The following PLCL2 variants were observed in gnomAD, a reference collection of about 807,000 sequenced individuals.
PLCL2 encodes phospholipase C like 2.
A neutral mutation model predicts 79.6 loss-of-function variants in PLCL2; 4 were observed. The observed-to-expected ratio is 0.05, with a 90% CI of 0.02 to 0.11. The LOEUF is 0.11. PLCL2 is among the 10% of genes least tolerant of loss of function. The pLI is 1.00. For missense variants in PLCL2, 895 were observed against 1,291.0 expected, an observed-to-expected ratio of 0.69 and a Z score of 4.70; for synonymous variants, 484 against 457.7, an observed-to-expected ratio of 1.06 and a Z score of -0.73.
chr3:16,958,632 T>C (rs980084658), intron 1 of PLCL2, among the ~76,000 whole-genome samples: 3 of 152,228 alleles, frequency 2.0e-5, no homozygotes, highest in Non-Finnish European at 2.9e-5. Context: ...CAAACTCTTA[T>C]ATATAAAAAA....
intron 4 of PLCL2, among the ~76,000 whole-genome samples, chr3:17,048,171 T>C (rs552682055): frequency 1.3e-5 from 2 of 151,946 alleles, no homozygotes; most frequent in African/African-American, 4.8e-5. Context: ...CACCTGTCAC[T>C]TGGTTCATGC....
At chr3:16,988,543 G>A (rs940968926) in intron 1 of PLCL2, among the ~76,000 whole-genome samples, 1 of 152,078 alleles carries the variant, frequency 6.6e-6, no homozygotes, top group Non-Finnish European at 1.5e-5. Flanking sequence ...CTTTTCAGTG[G>A]ACAGTGGCAT....
intron 1 of PLCL2, among the ~76,000 whole-genome samples, chr3:16,963,173 A>AT (rs1224463609): frequency 6.6e-6 from 1 of 152,096 alleles, no homozygotes; most frequent in Non-Finnish European, 1.5e-5. Context: ...AATTTTGATT[A>AT]TTTAGTGCTA....
chr3:17,062,538 G>A lies in PLCL2; in HGVS notation c.3095-5418G>A, dbSNP rs367676574. Among the ~76,000 whole-genome samples, 17 of 152,166 alleles carry A rather than the reference G, an allele frequency of 1.1e-4. No individual in the cohort carries two copies. In the East Asian group the frequency reaches 2.1e-3, roughly 19 times the overall value. ...TTTAATAGCTGCCCCAAAGTGTTAC[G>A]TTTCACCTTTAAAGAAAAGATGGAT... On this transcript the variant is annotated intron_variant, in intron 4 of 5. Coordinates refer to ENST00000615277, the MANE Select transcript of PLCL2 (RefSeq NM_001144382.2).
intron 1 of PLCL2, among the ~76,000 whole-genome samples, chr3:16,893,529 A>G (rs1696399836): frequency 6.6e-6 from 1 of 152,340 alleles, no homozygotes; most frequent in Non-Finnish European, 1.5e-5. Context: ...GTGATTAATC[A>G]TGGAGATTCA....
intron 1 of PLCL2, among the ~76,000 whole-genome samples, chr3:16,946,351 T>C (rs1265304776): frequency 1.3e-5 from 2 of 151,910 alleles, no homozygotes; most frequent in Admixed American, 1.3e-4. Context: ...TCAGTTACTA[T>C]TGTTTTTCTT....
At position 16,960,893 on chromosome 3, in the gene PLCL2, C is replaced by T. The variant is rs1379895538; in HGVS notation, c.328-48781C>T. The stretch of plus-strand genomic sequence containing the variant: ...ACCAATAATATACAAAGAATAATTT[C>T]AATAATGACTTCATGGTTATTAATT... On this transcript the variant is annotated intron_variant, in intron 1 of 5. Transcript: ENST00000615277. Among the ~76,000 whole-genome samples, 8 of 152,116 alleles carry T rather than the reference C, an allele frequency of 5.3e-5. No individual in the cohort carries two copies. The East Asian group carries it at 7.7e-4, about 15-fold the overall frequency.
At chr3:16,990,910 C>A (rs2064098407) in intron 1 of PLCL2, among the ~76,000 whole-genome samples, 1 of 152,156 alleles carries the variant, frequency 6.6e-6, no homozygotes, top group Non-Finnish European at 1.5e-5. Flanking sequence ...TTGGTGATGC[C>A]ACCCAAAGGT....
chr3:16,973,592 C>A (rs530184083), intron 1 of PLCL2, among the ~76,000 whole-genome samples: 87 of 152,210 alleles, frequency 5.7e-4, no homozygotes, highest in African/African-American at 2.0e-3. Flanking sequence ...AAGAGTATTG[C>A]TCATGAAAAC....
chr3:17,042,921 T>C lies in PLCL2; in HGVS notation c.3066T>C (p.Tyr1022=), dbSNP rs2064740329. The stretch of plus-strand genomic sequence containing the variant: ...TGATTGAAAATGCAGATGCTGTATA[T>C]GAAAAGATCGTACATTGTCAGAAGG... ...KALIENADAV[Y]EKIVHCQKAA... is the part of the protein sequence containing the mutation. The change falls in exon 4 of 6, where the codon TAT becomes TAC. Residue 1022 remains tyrosine, a synonymous_variant. Transcript: ENST00000615277. The C allele has an allele frequency of 6.2e-7, 1 of 1,612,248 alleles. No individual in the cohort carries two copies. The highest frequency in any genetic ancestry group is 8.5e-7 in the Non-Finnish European group (1 of 1,178,402).
intron 5 of PLCL2, among the ~76,000 whole-genome samples, chr3:17,072,770 G>T (rs2065073421): frequency 6.6e-6 from 1 of 151,482 alleles, no homozygotes; most frequent in African/African-American, 2.4e-5. Flanking sequence ...TTCATATTTG[G>T]TCTTGAAACT....
chr3:17,066,542 G>A (rs900060656), intron 4 of PLCL2, among the ~76,000 whole-genome samples: 7 of 152,222 alleles, frequency 4.6e-5, no homozygotes, highest in African/African-American at 1.7e-4. Flanking sequence ...AAGAGTAAAA[G>A]TGTGCAAAAG....
At chr3:16,905,841 A>C (rs1014710062) in intron 1 of PLCL2, among the ~76,000 whole-genome samples, 2 of 152,174 alleles carry the variant, frequency 1.3e-5, no homozygotes, top group Non-Finnish European at 2.9e-5. Flanking sequence ...GTGAGCCTGG[A>C]GGGAGGTAAT....
At chr3:16,965,020 T>C (rs2063792533) in intron 1 of PLCL2, among the ~76,000 whole-genome samples, 3 of 151,886 alleles carry the variant, frequency 2.0e-5, no homozygotes, top group South Asian at 4.2e-4. Flanking sequence ...AGCTCTTTAG[T>C]TTAATTAGAT....
chr3:16,924,170 C>T (rs1697191323), intron 1 of PLCL2, among the ~76,000 whole-genome samples: 1 of 152,128 alleles, frequency 6.6e-6, no homozygotes, highest in Admixed American at 6.5e-5. Flanking sequence ...TACTTCATCC[C>T]TTTGCATACC....
At chr3:17,050,727 G>A (rs540466882) in intron 4 of PLCL2, among the ~76,000 whole-genome samples, 6 of 152,278 alleles carry the variant, frequency 3.9e-5, no homozygotes, top group African/African-American at 1.4e-4. Flanking sequence ...ATTATGGAGA[G>A]CAGTTTGAAG....
At chr3:16,907,771 A>G (rs1696784367) in intron 1 of PLCL2, among the ~76,000 whole-genome samples, 1 of 152,200 alleles carries the variant, frequency 6.6e-6, no homozygotes, top group Non-Finnish European at 1.5e-5. Flanking sequence ...GTATTAACGT[A>G]CAGCATAACA....
chr3:16,957,023 T>A (rs2063712175), intron 1 of PLCL2, among the ~76,000 whole-genome samples: 1 of 152,206 alleles, frequency 6.6e-6, no homozygotes. Context: ...TGTGTCTCTA[T>A]TTCCTTCAGT....
chr3:16,927,166 T>C (rs1697275895), intron 1 of PLCL2, among the ~76,000 whole-genome samples: 3 of 152,226 alleles, frequency 2.0e-5, no homozygotes, highest in African/African-American at 7.2e-5. Context: ...CTTTAAGTTA[T>C]TCTTTACGGA....
Sources: allele counts gnomAD v4.1 joint callset (sites outside exome capture counted in the v4.1 genomes callset), GRCh38; gene constraint gnomAD v4.1.1; transcripts MANE v1.5; gene names NCBI Gene and HGNC (gene_info 2026-07-23, HGNC 2026-07-21).